The following GNL3L variants were observed in gnomAD, a reference collection of about 807,000 sequenced individuals.
GNL3L encodes the protein guanine nucleotide-binding protein-like 3-like protein.
GNL3L carries 4 observed loss-of-function variants against 42.9 expected under a neutral mutation model. The observed-to-expected ratio is 0.09, with a 90% CI of 0.05 to 0.21. GNL3L has a LOEUF of 0.21. Ranked by LOEUF, GNL3L falls within the 10% of genes least tolerant of loss-of-function variation. GNL3L has a pLI of 1.00. For missense variants in GNL3L, 412 were observed against 481.7 expected (o/e 0.86, Z 1.36); for synonymous variants, 159 against 176.3 (o/e 0.90, Z 0.78).
At chrX:54,591,542 C>T (rs1485648234) in intron 16 of GNL3L, among the ~76,000 whole-genome samples, 1 of 105,479 alleles carries the variant, frequency 9.5e-6, no homozygotes, top group African/African-American at 3.5e-5. Flanking sequence ...GCAGTGAGCC[C>T]AGATCACACC....
At chrX:54,548,433 G>C in intron 9 of GNL3L, 60 bp downstream of exon 9, 2 of 947,222 alleles carry the variant, frequency 2.1e-6, no homozygotes, top group East Asian at 3.1e-5. Flanking sequence ...CACTTCGCTG[G>C]GGGAAAGGAT....
downstream of GNL3L, among the ~76,000 whole-genome samples, chrX:54,571,141 A>G (rs978507828): frequency 2.7e-5 from 3 of 110,720 alleles, no homozygotes; most frequent in Non-Finnish European, 5.7e-5. Context: ...CAGTACCTCA[A>G]AAGCATTGTT....
At chrX:54,560,400 G>A in intron 15 of GNL3L, 120 bp from the exon 16 acceptor site, 1 of 497,124 alleles carries the variant, frequency 2.0e-6, no homozygotes, top group African/African-American at 2.3e-5. Flanking sequence ...GGTAGCGTTT[G>A]GGGGTAAGTG....
intron 16 of GNL3L, among the ~76,000 whole-genome samples, chrX:54,610,505 A>G (rs1319683243): frequency 9.0e-6 from 1 of 111,149 alleles, no homozygotes; most frequent in Non-Finnish European, 1.9e-5. Context: ...GATGGCTTTT[A>G]TTACACTAAG....
chrX:54,597,075 C>A (rs1171251928), intron 16 of GNL3L, among the ~76,000 whole-genome samples: 1 of 111,143 alleles, frequency 9.0e-6, no homozygotes, highest in East Asian at 2.8e-4. Flanking sequence ...AAGACAAAGT[C>A]CCCTTTACTT....
At chrX:54,532,153 C>T (rs1034366404) in intron 1 of GNL3L, among the ~76,000 whole-genome samples, 9 of 110,340 alleles carry the variant, frequency 8.2e-5, no homozygotes, top group Non-Finnish European at 1.5e-4. Context: ...TCCCTTTCCC[C>T]TCAGTGTGGA....
intron 2 of GNL3L, among the ~76,000 whole-genome samples, chrX:54,535,443 A>G (rs993351798): frequency 3.6e-5 from 4 of 111,464 alleles, no homozygotes; most frequent in Non-Finnish European, 7.5e-5. Flanking sequence ...TATATTTATT[A>G]TTTATTTTGT....
chrX:54,605,914 A>T (rs1456156129), intron 16 of GNL3L, among the ~76,000 whole-genome samples: 1 of 111,261 alleles, frequency 9.0e-6, no homozygotes. Flanking sequence ...ACTTGCACTC[A>T]CACTTTGTTT....
At position 54,563,106 on chromosome X, in the gene GNL3L, T is replaced by G. The variant is rs1172284211; in HGVS notation, c.*2504T>G. 1.8e-5 allele frequency among the ~76,000 whole-genome samples: 2 copies of G among 112,066 alleles called. No homozygotes were observed. Among genetic ancestry groups the G allele is most frequent in the Non-Finnish European group, 3.8e-5 (2 of 53,298 alleles). Reference sequence around the variant, plus strand: ...ATAGGCTACAACTTATTTCACACTATCTCATTGAACTCTCCTGGTATGTGA... The same window carrying G: ...ATAGGCTACAACTTATTTCACACTAGCTCATTGAACTCTCCTGGTATGTGA... On this transcript the variant is annotated 3_prime_UTR_variant, in exon 16 of 16. Coordinates refer to ENST00000360845, the MANE Select transcript of GNL3L (RefSeq NM_001184819.2).
chrX:54,596,717 A>T (rs1288681363), intron 16 of GNL3L, among the ~76,000 whole-genome samples: 1 of 111,402 alleles, frequency 9.0e-6, no homozygotes, highest in Non-Finnish European at 1.9e-5. Flanking sequence ...AAAATCTTAG[A>T]AGTCTACCTG....
the GNL3L span, among the ~76,000 whole-genome samples, chrX:54,630,716 C>CTTTCT: frequency 3.0e-4 from 21 of 70,033 alleles, no homozygotes; most frequent in African/African-American, 1.8e-3. Flanking sequence ...CTTTTTCTTT[C>CTTTCT]TTTCTTTCTT....
chrX:54,613,039 GTTCTC>G (rs1926180681), intron 16 of GNL3L, among the ~76,000 whole-genome samples: 1 of 111,516 alleles, frequency 9.0e-6, no homozygotes, highest in Non-Finnish European at 1.9e-5. Flanking sequence ...AGCTTTTACG[GTTCTC>G]TTCTTTCTTA....
At chrX:54,644,185 C>T in the GNL3L span, among the ~76,000 whole-genome samples, 1 of 111,690 alleles carries the variant, frequency 9.0e-6, no homozygotes, top group Middle Eastern at 4.3e-3. Flanking sequence ...TTTGAGGAAT[C>T]TCCAAACTGT....
At chrX:54,590,329 A>G (rs1268116788) in intron 16 of GNL3L, among the ~76,000 whole-genome samples, 2 of 112,395 alleles carry the variant, frequency 1.8e-5, no homozygotes, top group African/African-American at 6.5e-5. Context: ...ATCTTTTCAT[A>G]TACTTGTTTG....
chrX:54,591,285 A>G (rs1174958333), intron 16 of GNL3L, among the ~76,000 whole-genome samples: 4 of 110,724 alleles, frequency 3.6e-5, no homozygotes, highest in South Asian at 7.7e-4. Context: ...TGTTTTTGGC[A>G]CCTTTGTAAA....
At chrX:54,634,909 A>G in the GNL3L span, among the ~76,000 whole-genome samples, 1 of 104,469 alleles carries the variant, frequency 9.6e-6, no homozygotes. Flanking sequence ...CTCCTGCCTC[A>G]GCCTCCTGAG....
chrX:54,533,554 A>T lies in GNL3L; in HGVS notation c.19+969A>T, dbSNP rs190258418. Among the ~76,000 whole-genome samples the T allele has an allele frequency of 2.0e-3, 227 of 111,339 alleles. 1 individual carries two copies. The highest frequency in any genetic ancestry group is 2.6e-3 in the Non-Finnish European group (140 of 53,187). On this transcript the variant is annotated intron_variant, in intron 2 of 15. Transcript: ENST00000360845. ...TTTATATAATCATAAAAATGTCATCAAGAATCATACTGTTAATACCAAAAG... is the reference window on the plus strand; with the variant it reads ...TTTATATAATCATAAAAATGTCATCTAGAATCATACTGTTAATACCAAAAG...
chrX:54,626,394 T>G (rs1293128902), downstream of GNL3L, among the ~76,000 whole-genome samples: 1 of 112,227 alleles, frequency 8.9e-6, no homozygotes, highest in Non-Finnish European at 1.9e-5. Flanking sequence ...TATTCTATTG[T>G]GTATATATAC....
chrX:54,573,238 C>T (rs1370451970), intron 16 of GNL3L, among the ~76,000 whole-genome samples: 1 of 113,255 alleles, frequency 8.8e-6, no homozygotes, highest in African/African-American at 3.2e-5. Context: ...CACGCCACTG[C>T]ACTCCAGCCT....
Sources: gnomAD v4.1 joint callset for allele counts (sites outside exome capture counted in the v4.1 genomes callset) on GRCh38, gnomAD v4.1.1 for gene constraint, MANE v1.5 for transcripts, NCBI Gene and HGNC (gene_info 2026-07-23, HGNC 2026-07-21) for gene names.